The following MGAT4A variants were observed in gnomAD, a reference collection of about 807,000 sequenced individuals.
MGAT4A encodes the protein N-acetylglucosaminyltransferase IVa.
MGAT4A carries 33 observed loss-of-function variants against 74.1 expected under a neutral mutation model. The ratio of observed to expected loss-of-function variants is 0.45; its 90% CI spans 0.34 to 0.60. The LOEUF (loss-of-function observed/expected upper bound fraction) is 0.60. Among genes scored for constraint, MGAT4A ranks in the 20% least tolerant of loss-of-function variants. The pLI, the probability that MGAT4A is intolerant of heterozygous loss-of-function variation, is 0.02. For synonymous variants in MGAT4A, 198 were observed against 210.4 expected, an observed-to-expected ratio of 0.94 and a Z score of 0.51; for missense variants, 479 against 628.3, an observed-to-expected ratio of 0.76 and a Z score of 2.54.
At position 98,675,255 on chromosome 2, in the gene MGAT4A, A is replaced by C. The variant is rs915715930; in HGVS notation, c.263-80T>G. 4 of 1,022,922 alleles carry C rather than the reference A, an allele frequency of 3.9e-6. No individual in the cohort carries two copies. In the African/African-American group the frequency reaches 6.5e-5, roughly 17 times the overall value. The allele number at this position is 1,022,922 out of a possible 1,614,324, so 63.4% of individuals were successfully genotyped here. The stretch of plus-strand genomic sequence containing the variant: ...TTTTATAAAACCAGCAGTAAAAATT[A>C]ATAAGAACTAGAACTAAAGAATTTT... On this transcript the variant is annotated intron_variant, in intron 3 of 15. Transcript: ENST00000393487.
At chr2:98,654,952 T>C (rs1383425510) in intron 8 of MGAT4A, among the ~76,000 whole-genome samples, 2 of 152,166 alleles carry the variant, frequency 1.3e-5, no homozygotes, top group Non-Finnish European at 2.9e-5. Context: ...ACATATTGTG[T>C]TCTTGGTAAA....
chr2:98,678,875 A>G (rs939257645), intron 2 of MGAT4A, among the ~76,000 whole-genome samples: 3 of 152,222 alleles, frequency 2.0e-5, no homozygotes, highest in African/African-American at 7.2e-5. Context: ...GCAAAAACTG[A>G]TGGTAATTTA....
At chr2:98,638,331 C>T (rs1195774337) in intron 12 of MGAT4A, among the ~76,000 whole-genome samples, 3 of 152,072 alleles carry the variant, frequency 2.0e-5, no homozygotes, top group Admixed American at 6.6e-5. Flanking sequence ...GAATCCTATA[C>T]ACATATAATG....
chr2:98,685,374 C>T (rs993356362), intron 2 of MGAT4A, among the ~76,000 whole-genome samples: 1 of 151,904 alleles, frequency 6.6e-6, no homozygotes, highest in Non-Finnish European at 1.5e-5. Flanking sequence ...ATTTAATAAG[C>T]TTTACTTCTC....
At chr2:98,716,343 C>T (rs1265073743) in intron 2 of MGAT4A, among the ~76,000 whole-genome samples, 4 of 151,326 alleles carry the variant, frequency 2.6e-5, no homozygotes, top group Non-Finnish European at 4.4e-5. Context: ...GGTAGCTGGG[C>T]GTGGTGGCTC....
chr2:98,675,259 AG>A (rs1475425169), intron 3 of MGAT4A, 84 bp from the exon 4 acceptor site: 1 of 952,132 alleles, frequency 1.1e-6, no homozygotes, highest in Non-Finnish European at 1.5e-6. Context: ...AAAATTAATA[AG>A]AACTAGAACT....
At chr2:98,704,906 C>T (rs1702401127) in intron 2 of MGAT4A, among the ~76,000 whole-genome samples, 2 of 152,134 alleles carry the variant, frequency 1.3e-5, no homozygotes, top group Admixed American at 1.3e-4. Context: ...TCAATTACTC[C>T]TCCACAGCTG....
In MGAT4A at chr2:98,621,453, G is replaced by C. The variant is rs952309164; in HGVS notation, c.*4113C>G. 1.9e-6 allele frequency: 3 copies of C among 1,551,476 alleles called. No homozygotes were observed. The African/African-American group carries it at 4.1e-5, about 21-fold the overall frequency. On this transcript the variant is annotated 3_prime_UTR_variant, in exon 16 of 16. Transcript: ENST00000393487. ...ACCTTAAAACAGCAATGGTGCCTGA[G>C]GTCCTTCTGCTTTGTCTCTTGACTT...
chr2:98,670,821 C>T (rs1701901217), intron 4 of MGAT4A, among the ~76,000 whole-genome samples: 1 of 152,126 alleles, frequency 6.6e-6, no homozygotes, highest in South Asian at 2.1e-4. Context: ...AGATCTCATC[C>T]ATTTCTGCGT....
intron 14 of MGAT4A, 39 bp from the exon 15 acceptor site, chr2:98,625,874 A>G (rs373992079): frequency 2.3e-5 from 32 of 1,408,696 alleles, no homozygotes; most frequent in Non-Finnish European, 3.0e-5. Context: ...ATACACCGAG[A>G]TAAGCAAACA....
rs374357840 is a variant in MGAT4A at position 98,656,204 on chromosome 2, T to G, written c.698+148A>C. On this transcript the variant is annotated intron_variant, in intron 7 of 15. Transcript: ENST00000393487. Reference sequence around the variant, plus strand: ...ATATTCTAAGAAAACTCTACATTATTTCCAAGCGGTCCTGGACTTAATGAG... The same window carrying G: ...ATATTCTAAGAAAACTCTACATTATGTCCAAGCGGTCCTGGACTTAATGAG... The G allele has an allele frequency of 3.6e-5, 22 of 611,946 alleles. No homozygotes were observed. In the South Asian group the frequency reaches 4.4e-4, roughly 12 times the overall value. The allele number at this position is 611,946 out of a possible 1,614,324, so 37.9% of individuals were successfully genotyped here. A position where few individuals can be genotyped will look rare whatever the true frequency, so the allele number is the denominator to read the frequency against.
Position 98,644,068 on chromosome 2 carries a change from C to G in MGAT4A, c.890-15G>C. 6.4e-7 allele frequency: 1 copy of G among 1,553,660 alleles called. No individual in the cohort carries two copies. Among genetic ancestry groups the G allele is most frequent in the Non-Finnish European group, 8.8e-7 (1 of 1,141,210 alleles). On this transcript the variant is annotated splice_polypyrimidine_tract_variant and intron_variant, in intron 9 of 15. Coordinates refer to ENST00000393487, the MANE Select transcript of MGAT4A (RefSeq NM_012214.3). ...AAACATTTTACCTGAAAAGATATTC[C>G]CAGTCAATAGCTGCAATGAAGAAAC... is the stretch of plus-strand genomic sequence containing the variant.
intron 10 of MGAT4A, among the ~76,000 whole-genome samples, chr2:98,642,858 GT>G (rs200444630): frequency 6.6e-6 from 1 of 151,862 alleles, no homozygotes; most frequent in African/African-American, 2.4e-5. Context: ...AATTTTTGTG[GT>G]TTTTTTTAAA....
Position 98,633,347 on chromosome 2 carries a change from C to T in MGAT4A, c.1468+1875G>A, listed in dbSNP as rs1482038369. ...GCACAGGGCAGAGCTTCTGTCTCCCCGAGCTGGGGGTACTGTGAGTGATAA... is the reference window on the plus strand; with the variant it reads ...GCACAGGGCAGAGCTTCTGTCTCCCTGAGCTGGGGGTACTGTGAGTGATAA... On this transcript the variant is annotated intron_variant, in intron 14 of 15. Transcript: ENST00000393487. 7.2e-5 allele frequency among the ~76,000 whole-genome samples: 11 copies of T among 152,140 alleles called. No homozygotes were observed. In the East Asian group the frequency reaches 7.7e-4, roughly 11 times the overall value.
At chr2:98,673,633 A>G (rs1465141956) in intron 4 of MGAT4A, among the ~76,000 whole-genome samples, 1 of 152,196 alleles carries the variant, frequency 6.6e-6, no homozygotes, top group Non-Finnish European at 1.5e-5. Context: ...AAGTCATGTA[A>G]ACAAATGGGA....
At chr2:98,702,245 C>A (rs1702363782) in intron 2 of MGAT4A, among the ~76,000 whole-genome samples, 1 of 152,202 alleles carries the variant, frequency 6.6e-6, no homozygotes, top group Non-Finnish European at 1.5e-5. Flanking sequence ...TGAAAACTAG[C>A]AAACTCACTG....
intron 2 of MGAT4A, among the ~76,000 whole-genome samples, chr2:98,696,989 T>C (rs1702283541): frequency 6.6e-6 from 1 of 152,242 alleles, no homozygotes; most frequent in South Asian, 2.1e-4. Context: ...AGAATTGGAC[T>C]GCATTTCTTA....
At chr2:98,714,563 T>C (rs1227413103) in intron 2 of MGAT4A, among the ~76,000 whole-genome samples, 4 of 152,152 alleles carry the variant, frequency 2.6e-5, no homozygotes, top group Non-Finnish European at 5.9e-5. Flanking sequence ...CCTTGCTCTG[T>C]GCACTGAGAG....
At chr2:98,677,048 A>C (rs1211157120) in intron 3 of MGAT4A, among the ~76,000 whole-genome samples, 1 of 152,242 alleles carries the variant, frequency 6.6e-6, no homozygotes, top group African/African-American at 2.4e-5. Context: ...AGGTGAAGCT[A>C]AATGAAAAAG....
Sources: gnomAD v4.1 joint callset for allele counts (sites outside exome capture counted in the v4.1 genomes callset) on GRCh38, gnomAD v4.1.1 for gene constraint, MANE v1.5 for transcripts, NCBI Gene and HGNC (gene_info 2026-07-23, HGNC 2026-07-21) for gene names.